The following PLPP1 variants were observed in gnomAD, a reference collection of about 807,000 sequenced individuals.
PLPP1 encodes the protein lipid phosphate phosphohydrolase 1a.
Under a neutral mutation model 31.2 loss-of-function variants are expected in PLPP1, and 24 were observed. The ratio of observed to expected loss-of-function variants is 0.77; its 90% CI spans 0.56 to 1.08. PLPP1 has a LOEUF of 1.08. PLPP1 is among the 50% of genes least tolerant of loss of function. The pLI, the probability that PLPP1 is intolerant of heterozygous loss-of-function variation, is 0.00. For missense variants in PLPP1, 319 were observed against 342.7 expected (o/e 0.93, Z 0.55); for synonymous variants, 146 against 126.3 (o/e 1.16, Z -1.05).
intron 4 of PLPP1, among the ~76,000 whole-genome samples, chr5:55,437,201 A>G (rs771797698): frequency 1.3e-4 from 20 of 152,244 alleles, no homozygotes; most frequent in Non-Finnish European, 2.8e-4. Flanking sequence ...TGAAACATTT[A>G]ACTTCCATTA....
intron 1 of PLPP1, among the ~76,000 whole-genome samples, chr5:55,515,964 A>T (rs1195960527): frequency 1.3e-5 from 2 of 152,010 alleles, no homozygotes; most frequent in African/African-American, 4.8e-5. Context: ...TTTCAAAAAC[A>T]TCTTAAACTT....
At chr5:55,426,983 G>A (rs1303785697) in intron 4 of PLPP1, among the ~76,000 whole-genome samples, 3 of 151,558 alleles carry the variant, frequency 2.0e-5, no homozygotes, top group Non-Finnish European at 2.9e-5. Flanking sequence ...TACACTAATC[G>A]GACCTAAGAA....
chr5:55,442,239 T>C (rs996947217), intron 3 of PLPP1, among the ~76,000 whole-genome samples: 3 of 152,262 alleles, frequency 2.0e-5, no homozygotes, highest in Admixed American at 6.5e-5. Context: ...CTTTATTACA[T>C]ACACACTTAT....
intron 1 of PLPP1, among the ~76,000 whole-genome samples, chr5:55,492,719 G>C (rs1294727519): frequency 1.3e-5 from 2 of 152,176 alleles, no homozygotes; most frequent in Admixed American, 1.3e-4. Flanking sequence ...GCACATGCTG[G>C]GAATTAGGCC....
At chr5:55,482,116 A>G (rs757858514) in intron 1 of PLPP1, among the ~76,000 whole-genome samples, 206 of 147,800 alleles carry the variant, frequency 1.4e-3, no homozygotes, top group Non-Finnish European at 2.4e-3. Context: ...TAAGTATTAT[A>G]TTTAAATTTT....
intron 1 of PLPP1, among the ~76,000 whole-genome samples, chr5:55,513,316 A>G (rs1753482101): frequency 7.5e-6 from 1 of 133,744 alleles, no homozygotes; most frequent in Non-Finnish European, 1.5e-5. Flanking sequence ...CTGGAGGTAC[A>G]GTGGCATGAT....
At chr5:55,478,204 A>C (rs1752598326) in intron 1 of PLPP1, among the ~76,000 whole-genome samples, 1 of 152,176 alleles carries the variant, frequency 6.6e-6, no homozygotes. Context: ...TCTTAGATTT[A>C]GAAAAAAAGT....
intron 1 of PLPP1, among the ~76,000 whole-genome samples, chr5:55,501,564 G>A (rs1753146377): frequency 6.6e-6 from 1 of 152,074 alleles, no homozygotes; most frequent in Admixed American, 6.5e-5. Context: ...GAGTGCAATG[G>A]CGTGATCTTG....
intron 1 of PLPP1, among the ~76,000 whole-genome samples, chr5:55,493,807 G>A (rs1752946474): frequency 6.6e-6 from 1 of 151,600 alleles, no homozygotes; most frequent in South Asian, 2.1e-4. Flanking sequence ...TTGAACCTGG[G>A]AGGCAGAGAT....
intron 4 of PLPP1, among the ~76,000 whole-genome samples, chr5:55,430,682 G>A (rs1281351251): frequency 6.6e-6 from 1 of 152,166 alleles, no homozygotes; most frequent in African/African-American, 2.4e-5. Flanking sequence ...GAAACATGAA[G>A]AAGGAAATAT....
At chr5:55,534,486 A>G (rs945897413) in intron 1 of PLPP1, 86 bp downstream of exon 1, 35 of 1,362,504 alleles carry the variant, frequency 2.6e-5, no homozygotes, top group Non-Finnish European at 8.8e-6. Context: ...GTCAGGCAAC[A>G]CACCCCCGCT....
chr5:55,527,198 C>G (rs1446994071), intron 1 of PLPP1, among the ~76,000 whole-genome samples: 1 of 152,086 alleles, frequency 6.6e-6, no homozygotes, highest in Non-Finnish European at 1.5e-5. Context: ...GGAAGGGACC[C>G]AGATTGAGGC....
intron 1 of PLPP1, among the ~76,000 whole-genome samples, chr5:55,526,578 G>A (rs12188258): frequency 0.85 from 128,668 of 152,046 alleles, 54,772 homozygotes; most frequent in South Asian, 0.92. Flanking sequence ...CAACAACAAC[G>A]ACAACAAACA....
At chr5:55,504,245 T>C (rs1279089735) in intron 1 of PLPP1, among the ~76,000 whole-genome samples, 1 of 151,146 alleles carries the variant, frequency 6.6e-6, no homozygotes, top group Non-Finnish European at 1.5e-5. Flanking sequence ...ACCAGGTGCC[T>C]GTAATCCCAG....
intron 1 of PLPP1, among the ~76,000 whole-genome samples, chr5:55,482,456 C>G (rs1752691788): frequency 6.6e-6 from 1 of 152,116 alleles, no homozygotes; most frequent in Non-Finnish European, 1.5e-5. Flanking sequence ...AGTTATTAAA[C>G]ACCTATTACA....
At chr5:55,528,355 C>A (rs765038248) in intron 1 of PLPP1, among the ~76,000 whole-genome samples, 1 of 152,194 alleles carries the variant, frequency 6.6e-6, no homozygotes, top group East Asian at 1.9e-4. Flanking sequence ...TCAAAGGGAA[C>A]ATATTCCAAA....
chr5:55,440,606 C>T (rs1364418893), intron 4 of PLPP1, among the ~76,000 whole-genome samples: 1 of 151,032 alleles, frequency 6.6e-6, no homozygotes, highest in African/African-American at 2.4e-5. Context: ...TGTGCTTCTT[C>T]ACAAAATTTA....
chr5:55,425,388 C>A, intron 5 of PLPP1, 54 bp from the exon 6 acceptor site: 2 of 1,477,954 alleles, frequency 1.4e-6, no homozygotes, highest in Non-Finnish European at 1.8e-6. Flanking sequence ...AAACTACATA[C>A]AAAGTTGTGA....
chr5:55,522,877 C>A (rs1212820296), intron 1 of PLPP1, among the ~76,000 whole-genome samples: 1 of 152,106 alleles, frequency 6.6e-6, no homozygotes, highest in Non-Finnish European at 1.5e-5. Flanking sequence ...CGCCACCACG[C>A]CCAGCTAATT....
Sources: allele counts gnomAD v4.1 joint callset (sites outside exome capture counted in the v4.1 genomes callset), GRCh38; gene constraint gnomAD v4.1.1; transcripts MANE v1.5; gene names NCBI Gene and HGNC (gene_info 2026-07-23, HGNC 2026-07-21).